The following RPSA variants were observed in gnomAD, a reference collection of about 807,000 sequenced individuals.
The protein encoded by RPSA is ribosomal protein SA, also known as small ribosomal subunit protein uS2.
For synonymous variants in RPSA, 103 were observed against 126.7 expected, an observed-to-expected ratio of 0.81 and a Z score of 1.25; for missense variants, 140 against 372.8, an observed-to-expected ratio of 0.38 and a Z score of 5.14.
chr3:39,406,735 T>A lies in RPSA; in HGVS notation c.-63T>A. 2 of 387,948 alleles carry A rather than the reference T, an allele frequency of 5.2e-6. No homozygotes were observed. Among genetic ancestry groups the A allele is most frequent in the South Asian group, 3.7e-5 (2 of 53,890 alleles). The allele number at this position is 387,948 out of a possible 1,614,324, so 24.0% of individuals were successfully genotyped here. On this transcript the variant is annotated 5_prime_UTR_variant, in exon 1 of 7. Transcript: ENST00000301821. ...TGCCGCCTGTCTTTTCCGTGCTACC[T>A]GCAGAGGGGTCCATACGGCGTTGTT...
At chr3:39,411,198 G>C (rs1191973708) in intron 4 of RPSA, 199 bp downstream of exon 4, 3 of 761,854 alleles carry the variant, frequency 3.9e-6, no homozygotes, top group Non-Finnish European at 7.2e-6. Context: ...AGTAATTCTT[G>C]CTACAAGTAT....
intron 4 of RPSA, 74 bp downstream of exon 4, chr3:39,411,073 T>C: frequency 1.3e-6 from 2 of 1,565,366 alleles, no homozygotes; most frequent in Non-Finnish European, 1.7e-6. Context: ...TGTTAGAGCT[T>C]GGAGTTGAGG....
Position 39,409,184 on chromosome 3 carries a change from C to CTTTTTTTTT in RPSA, c.252+475_252+483dup, listed in dbSNP as rs71091746. Among the ~76,000 whole-genome samples the CTTTTTTTTT allele has an allele frequency of 6.3e-3, 540 of 85,400 alleles. 82 individuals carry two copies. Among genetic ancestry groups the CTTTTTTTTT allele is most frequent in the Non-Finnish European group, 9.4e-3 (444 of 47,196 alleles). 56.0% of individuals were successfully genotyped at this position (85,400 alleles called of 152,430 possible). On this transcript the variant is annotated intron_variant, in intron 3 of 6. Coordinates refer to ENST00000301821, the MANE Select transcript of RPSA (RefSeq NM_002295.6). ...ATCGCCCTTATGACCTATGACCTTCCTTTTTTTTTTTTTTTTTTTTTTTCC... is the reference window on the plus strand; with the variant it reads ...ATCGCCCTTATGACCTATGACCTTCCTTTTTTTTTTTTTTTTTTTTTTTTTTTTTTTTCC...
In RPSA at chr3:39,412,053, T is replaced by A. The variant is rs770697551; in HGVS notation, c.785T>A (p.Phe262Tyr). 6.2e-7 allele frequency: 1 copy of A among 1,611,332 alleles called. No homozygotes were observed. Among genetic ancestry groups the A allele is most frequent in the Non-Finnish European group, 8.5e-7 (1 of 1,179,824 alleles). Residue 262 changes from phenylalanine to tyrosine, a missense_variant, in exon 6 of 7, where the codon TTC becomes TAC. Coordinates refer to ENST00000301821, the MANE Select transcript of RPSA (RefSeq NM_002295.6). ...GTGCCCTCTGTGCCTATTCAGCAAT[T>A]CCCTACTGGTATGTATCAGGATAGA... is the stretch of plus-strand genomic sequence containing the variant. ...VQVPSVPIQQ[F>Y]PTEDWSAQPA...
intron 6 of RPSA, 23 bp from the exon 7 acceptor site, chr3:39,412,250 CT>C (rs753162510): frequency 1.0e-5 from 16 of 1,578,990 alleles, no homozygotes; most frequent in African/African-American, 1.3e-5. Flanking sequence ...GAGCTGATGG[CT>C]TTTTTTGGTA....
rs545369240 is a variant in RPSA at position 39,406,757 on chromosome 3, T to C, written c.-41T>C. The C allele has an allele frequency of 2.8e-5, 12 of 423,342 alleles. No individual in the cohort carries two copies. The highest frequency in any genetic ancestry group is 2.3e-4 in the African/African-American group (11 of 48,746). 26.2% of individuals were successfully genotyped at this position (423,342 alleles called of 1,614,324 possible). On this transcript the variant is annotated 5_prime_UTR_variant, in exon 1 of 7. Transcript: ENST00000301821. ...ACCTGCAGAGGGGTCCATACGGCGT[T>C]GTTCTGGGTGAGTTCCGTGTAGCGT...
rs772888288 is a variant in RPSA at position 39,407,611 on chromosome 3, CTT to C, written c.-33-9_-33-8del. 11 of 1,587,800 alleles carry C rather than the reference CTT, an allele frequency of 6.9e-6. No homozygotes were observed. Among genetic ancestry groups the C allele is most frequent in the South Asian group, 5.5e-5 (5 of 90,808 alleles). On this transcript the variant is annotated splice_region_variant and splice_polypyrimidine_tract_variant and intron_variant, in intron 1 of 6. Coordinates refer to ENST00000301821, the MANE Select transcript of RPSA (RefSeq NM_002295.6). ...GGAATGAAAAGAAATAGGTTGCTCT[CTT>C]ATTTCAGATTCCCGTCGTAACTTAA...
chr3:39,408,767 C>A, intron 3 of RPSA, 43 bp downstream of exon 3: 1 of 1,083,172 alleles, frequency 9.2e-7, no homozygotes, highest in Non-Finnish European at 1.4e-6. Context: ...AGAAATAAAG[C>A]TTACAGACAT....
At chr3:39,409,227 C>T (rs1424333483) in intron 3 of RPSA, among the ~76,000 whole-genome samples, 1 of 92,874 alleles carries the variant, frequency 1.1e-5, no homozygotes, top group Non-Finnish European at 2.2e-5. Context: ...CAGTCTCTCG[C>T]TCTGTTGCCT....
chr3:39,409,926 G>A (rs891878343), intron 3 of RPSA, among the ~76,000 whole-genome samples: 3 of 152,120 alleles, frequency 2.0e-5, no homozygotes, highest in South Asian at 4.1e-4. Context: ...CCAGAAGTTC[G>A]AGACCAGGGT....
chr3:39,409,187 T>TC (rs2041967945), intron 3 of RPSA, among the ~76,000 whole-genome samples: 2 of 60,422 alleles, frequency 3.3e-5, no homozygotes, highest in Non-Finnish European at 9.0e-5. Flanking sequence ...GACCTTCCTT[T>TC]TTTTTTTTTT....
intron 3 of RPSA, chr3:39,410,465 A>T: frequency 2.3e-6 from 1 of 439,180 alleles, no homozygotes; most frequent in Non-Finnish European, 4.2e-6. Flanking sequence ...TTGCTGTAGA[A>T]TGAACTGAGT....
chr3:39,411,816 T>C (rs1471294189), intron 5 of RPSA, 39 bp downstream of exon 5: 2 of 1,599,378 alleles, frequency 1.3e-6, no homozygotes, highest in Admixed American at 3.3e-5. Flanking sequence ...ATAAGCAAAT[T>C]GGACGACTTG....
intron 3 of RPSA, among the ~76,000 whole-genome samples, chr3:39,409,164 C>A (rs1052118506): frequency 1.4e-5 from 2 of 145,490 alleles, no homozygotes; most frequent in Non-Finnish European, 3.0e-5. Flanking sequence ...TAGAAATCGC[C>A]CTTATGACCT....
At chr3:39,411,070 G>T in intron 4 of RPSA, 71 bp downstream of exon 4, 1 of 1,571,080 alleles carries the variant, frequency 6.4e-7, no homozygotes, top group Non-Finnish European at 8.7e-7. Context: ...CATTGTTAGA[G>T]CTTGGAGTTG....
chr3:39,409,702 G>A (rs1474457525), intron 3 of RPSA, among the ~76,000 whole-genome samples: 5 of 152,142 alleles, frequency 3.3e-5, no homozygotes, highest in Non-Finnish European at 2.9e-5. Context: ...AGTCATGACG[G>A]CATGCACCCA....
At chr3:39,408,298 C>A in intron 2 of RPSA, 1 of 518,350 alleles carries the variant, frequency 1.9e-6, no homozygotes. Flanking sequence ...GAAAGAGTGG[C>A]AGAAAGCCAG....
intron 4 of RPSA, 132 bp downstream of exon 4, chr3:39,411,131 AG>A (rs745586280): frequency 6.0e-6 from 7 of 1,164,160 alleles, no homozygotes; most frequent in Admixed American, 3.4e-5. Flanking sequence ...GTGCTACATG[AG>A]GGGCAAGTTT....
In RPSA at chr3:39,409,101, A is replaced by AAG. The variant is rs1553613196; in HGVS notation, c.252+378_252+379insGA. ...CTCTGTCTCAAAAAAAAAAAAAAAG[A>AAG]AAATAGAAAACTCAAACTCCACTGT... On this transcript the variant is annotated intron_variant, in intron 3 of 6. Coordinates refer to ENST00000301821, the MANE Select transcript of RPSA (RefSeq NM_002295.6). 28 of 114,878 alleles carry AAG rather than the reference A, an allele frequency of 2.4e-4. 2 individuals carry two copies. The highest frequency in any genetic ancestry group is 7.8e-4 in the South Asian group (4 of 5,152). 7.1% of individuals were successfully genotyped at this position (114,878 alleles called of 1,614,324 possible).
Sources: allele counts gnomAD v4.1 joint callset (sites outside exome capture counted in the v4.1 genomes callset), GRCh38; gene constraint gnomAD v4.1.1; transcripts MANE v1.5; gene names NCBI Gene and HGNC (gene_info 2026-07-23, HGNC 2026-07-21).